The following RORA variants were observed in gnomAD, a reference collection of about 807,000 sequenced individuals.
The protein encoded by RORA is nuclear receptor ROR-alpha.
A neutral mutation model predicts 69.5 loss-of-function variants in RORA; 7 were observed. The observed-to-expected ratio is 0.10, with a 90% CI of 0.06 to 0.19. The LOEUF is 0.19. Among genes scored for constraint, RORA ranks in the 10% least tolerant of loss-of-function variants. The pLI is 1.00. For synonymous variants in RORA, 261 were observed against 240.8 expected (o/e 1.08, Z -0.78); for missense variants, 457 against 663.0 (o/e 0.69, Z 3.41).
intron 2 of RORA, among the ~76,000 whole-genome samples, chr15:60,535,948 A>G (rs183797995): frequency 6.6e-6 from 1 of 152,158 alleles, no homozygotes; most frequent in East Asian, 1.9e-4. Flanking sequence ...CTCAAAAGAC[A>G]TCCCCTAAGT....
intron 1 of RORA, among the ~76,000 whole-genome samples, chr15:60,824,940 G>A (rs1313080609): frequency 1.3e-5 from 2 of 152,156 alleles, no homozygotes; most frequent in Non-Finnish European, 2.9e-5. Flanking sequence ...ACTTCATAAT[G>A]GAATATAAAA....
chr15:60,781,775 T>G (rs1339452675), intron 1 of RORA, among the ~76,000 whole-genome samples: 2 of 152,212 alleles, frequency 1.3e-5, no homozygotes, highest in East Asian at 3.8e-4. Context: ...CTCCAGAGTT[T>G]GAGAGTCTGG....
intron 1 of RORA, among the ~76,000 whole-genome samples, chr15:60,790,194 T>C (rs2072395286): frequency 6.6e-6 from 1 of 152,264 alleles, no homozygotes; most frequent in Admixed American, 6.5e-5. Flanking sequence ...CTAAATCACC[T>C]GACTCACTTA....
At chr15:61,045,686 G>A (rs1003167898) in intron 1 of RORA, among the ~76,000 whole-genome samples, 1 of 151,918 alleles carries the variant, frequency 6.6e-6, no homozygotes, top group Admixed American at 6.5e-5. Flanking sequence ...GCCCTGGCCA[G>A]GAGTCAGGGA....
chr15:60,727,226 T>G (rs2071371598), intron 1 of RORA, among the ~76,000 whole-genome samples: 1 of 152,216 alleles, frequency 6.6e-6, no homozygotes, highest in Admixed American at 6.5e-5. Context: ...AGCTCAAAAG[T>G]CAACCATTCT....
intron 1 of RORA, among the ~76,000 whole-genome samples, chr15:60,859,733 G>A (rs1318837458): frequency 7.6e-6 from 1 of 131,106 alleles, no homozygotes; most frequent in Non-Finnish European, 1.6e-5. Flanking sequence ...AGTTTCTTAT[G>A]TGATTTGTGG....
chr15:60,829,850 C>A (rs756663639), intron 1 of RORA, among the ~76,000 whole-genome samples: 1 of 152,206 alleles, frequency 6.6e-6, no homozygotes, highest in Non-Finnish European at 1.5e-5. Flanking sequence ...CACCAGAAGA[C>A]AATTAACATA....
chr15:60,785,910 C>A (rs1053602934), intron 1 of RORA, among the ~76,000 whole-genome samples: 1 of 152,204 alleles, frequency 6.6e-6, no homozygotes, highest in Non-Finnish European at 1.5e-5. Context: ...CTGTATGCTC[C>A]GCACAACAGG....
rs1196256677 is a variant in RORA, at chr15:60,970,017, C to T, written c.166+259036G>A. 2.6e-5 allele frequency among the ~76,000 whole-genome samples: 4 copies of T among 152,264 alleles called. No individual in the cohort carries two copies. In the East Asian group the frequency reaches 7.7e-4, roughly 29 times the overall value. The stretch of plus-strand genomic sequence containing the variant: ...TCTTGCACGCGCACTCTCTTTCTTT[C>T]TCTCTCTCTCCAAAAAGAAGCGGGG... On this transcript the variant is annotated intron_variant, in intron 1 of 10. Coordinates refer to ENST00000335670, the MANE Select transcript of RORA (RefSeq NM_134261.3).
chr15:61,030,076 G>T (rs1209623157), intron 1 of RORA, among the ~76,000 whole-genome samples: 1 of 152,180 alleles, frequency 6.6e-6, no homozygotes, highest in Non-Finnish European at 1.5e-5. Flanking sequence ...CAAAGTGATG[G>T]TCATTCCATG....
At chr15:60,828,357 G>A (rs960951329) in intron 1 of RORA, among the ~76,000 whole-genome samples, 2 of 152,198 alleles carry the variant, frequency 1.3e-5, no homozygotes, top group Non-Finnish European at 2.9e-5. Context: ...GAAAGTCTTG[G>A]GTTGGGCCCA....
In RORA at chr15:60,603,633, A is replaced by C. The variant is rs1319864377; in HGVS notation, c.197-71782T>G. 2.0e-5 allele frequency among the ~76,000 whole-genome samples: 3 copies of C among 152,232 alleles called. No homozygotes were observed. The East Asian group carries it at 5.8e-4, about 29-fold the overall frequency. On this transcript the variant is annotated intron_variant, in intron 2 of 10. Transcript: ENST00000335670. ...TTGTTTTATGTGTGTTTCTGTTTAA[A>C]GACATCTTATTTAGTATGTATTGTT...
chr15:60,561,082 G>GTTTTTTTTT (rs571970599), intron 2 of RORA, among the ~76,000 whole-genome samples: 3 of 122,052 alleles, frequency 2.5e-5, no homozygotes, highest in African/African-American at 9.2e-5. Flanking sequence ...TTTTGTTTTT[G>GTTTTTTTTT]TTTTTTTTTT....
chr15:60,559,893 A>G lies in RORA; in HGVS notation c.197-28042T>C, dbSNP rs1595974542. Among the ~76,000 whole-genome samples the G allele has an allele frequency of 2.6e-5, 4 of 152,364 alleles. No individual in the cohort carries two copies. The Middle Eastern group carries it at 0.01, about 389-fold the overall frequency. ...TTCAAAGCCAAATACACATAACTTTATAAATTTAGCCACTGTTTTTTTTCC... is the reference window on the plus strand; with the variant it reads ...TTCAAAGCCAAATACACATAACTTTGTAAATTTAGCCACTGTTTTTTTTCC... On this transcript the variant is annotated intron_variant, in intron 2 of 10. Coordinates refer to ENST00000335670, the MANE Select transcript of RORA (RefSeq NM_134261.3).
intron 2 of RORA, among the ~76,000 whole-genome samples, chr15:60,590,201 T>TCTCTCTCTCTCTCTC (rs530043189): frequency 1.2e-5 from 1 of 84,066 alleles, no homozygotes; most frequent in African/African-American, 8.3e-5. Flanking sequence ...CTCTCTCTCT[T>TCTCTCTCTCTCTCTC]TCAGGCAGCT....
chr15:61,187,546 T>C (rs1386418112), intron 1 of RORA, among the ~76,000 whole-genome samples: 1 of 152,228 alleles, frequency 6.6e-6, no homozygotes, highest in Non-Finnish European at 1.5e-5. Context: ...TTATTCACGC[T>C]GTTCAACACG....
At chr15:61,120,551 A>T (rs2079093122) in intron 1 of RORA, among the ~76,000 whole-genome samples, 1 of 151,912 alleles carries the variant, frequency 6.6e-6, no homozygotes, top group African/African-American at 2.4e-5. Flanking sequence ...TGCAAAAAAA[A>T]TTAGCCAGGT....
chr15:60,588,989 A>G (rs1177728056), intron 2 of RORA, among the ~76,000 whole-genome samples: 2 of 152,164 alleles, frequency 1.3e-5, no homozygotes. Flanking sequence ...GGATTCAGAA[A>G]TCCTCTTTGT....
At chr15:60,943,244 T>C (rs1892753960) in intron 1 of RORA, among the ~76,000 whole-genome samples, 1 of 152,066 alleles carries the variant, frequency 6.6e-6, no homozygotes, top group Non-Finnish European at 1.5e-5. Flanking sequence ...TGCCAGGTTC[T>C]GCAGGACATT....
Sources: allele counts gnomAD v4.1 joint callset (sites outside exome capture counted in the v4.1 genomes callset), GRCh38; gene constraint gnomAD v4.1.1; transcripts MANE v1.5; gene names NCBI Gene and HGNC (gene_info 2026-07-23, HGNC 2026-07-21).